Variants in FUT9 observed in about 807,000 individuals in gnomAD.
The protein encoded by FUT9 is 4-galactosyl-N-acetylglucosaminide 3-alpha-L-fucosyltransferase 9.
A neutral mutation model predicts 29.7 loss-of-function variants in FUT9; 15 were observed. The observed-to-expected ratio is 0.51, with a 90% CI of 0.34 to 0.78. The LOEUF (loss-of-function observed/expected upper bound fraction) is 0.78, where lower values mean the gene tolerates loss of function less well. Among genes scored for constraint, FUT9 ranks in the 30% least tolerant of loss-of-function variants. FUT9 has a pLI of 0.01. For missense variants in FUT9, 319 were observed against 425.4 expected (o/e 0.75, Z 2.20); for synonymous variants, 169 against 153.7 (o/e 1.10, Z -0.74).
At chr6:96,043,948 C>T (rs887496621) in intron 1 of FUT9, among the ~76,000 whole-genome samples, 17 of 152,106 alleles carry the variant, frequency 1.1e-4, no homozygotes, top group African/African-American at 3.9e-4. Flanking sequence ...CATCTTGTGG[C>T]CTTTGACTTT....
chr6:96,048,764 G>T (rs371580102), intron 1 of FUT9, among the ~76,000 whole-genome samples: 3 of 152,150 alleles, frequency 2.0e-5, no homozygotes, highest in African/African-American at 7.2e-5. Context: ...CTAAGTGCCA[G>T]TTGTGGGAAA....
intron 2 of FUT9, among the ~76,000 whole-genome samples, chr6:96,131,655 T>A (rs1460648407): frequency 6.6e-6 from 1 of 152,128 alleles, no homozygotes; most frequent in East Asian, 1.9e-4. Flanking sequence ...AATCCCAGCT[T>A]CCACGTTCAT....
intron 1 of FUT9, among the ~76,000 whole-genome samples, chr6:96,067,497 T>C (rs1770984186): frequency 6.6e-6 from 1 of 152,050 alleles, no homozygotes; most frequent in Non-Finnish European, 1.5e-5. Context: ...GCATAAAATA[T>C]TGGAAGTGGG....
intron 2 of FUT9, among the ~76,000 whole-genome samples, chr6:96,117,475 T>G (rs550617142): frequency 6.6e-6 from 1 of 152,338 alleles, no homozygotes; most frequent in African/African-American, 2.4e-5. Flanking sequence ...TGATACCACA[T>G]TAGCAATTAG....
intron 2 of FUT9, among the ~76,000 whole-genome samples, chr6:96,142,430 T>C (rs1318290987): frequency 6.6e-6 from 1 of 152,174 alleles, no homozygotes; most frequent in Non-Finnish European, 1.5e-5. Context: ...GAGACAAAGC[T>C]GGTGCATCTT....
At chr6:96,163,503 A>T (rs1191261723) in intron 2 of FUT9, among the ~76,000 whole-genome samples, 2 of 152,100 alleles carry the variant, frequency 1.3e-5, no homozygotes, top group East Asian at 3.9e-4. Context: ...TACTTCAACC[A>T]CTCATAGACT....
At chr6:96,129,393 C>T (rs1310365845) in intron 2 of FUT9, among the ~76,000 whole-genome samples, 1 of 151,252 alleles carries the variant, frequency 6.6e-6, no homozygotes, top group Non-Finnish European at 1.5e-5. Flanking sequence ...GGCTTCGAGG[C>T]TGAAGTAAGT....
intron 2 of FUT9, among the ~76,000 whole-genome samples, chr6:96,140,644 T>C (rs1435331859): frequency 1.3e-5 from 2 of 152,176 alleles, no homozygotes; most frequent in Non-Finnish European, 2.9e-5. Flanking sequence ...AAGGCACATC[T>C]TACATGGTGG....
intron 1 of FUT9, among the ~76,000 whole-genome samples, chr6:96,035,559 G>A (rs1770337662): frequency 6.8e-6 from 1 of 146,792 alleles, no homozygotes; most frequent in Non-Finnish European, 1.5e-5. Context: ...CCATAGTTTT[G>A]AAGATCAATG....
intron 2 of FUT9, among the ~76,000 whole-genome samples, chr6:96,189,164 A>G (rs1163341807): frequency 5.3e-5 from 8 of 152,044 alleles, no homozygotes; most frequent in Admixed American, 2.6e-4. Flanking sequence ...AGTAGAACTG[A>G]GAGCTAAAAA....
intron 2 of FUT9, among the ~76,000 whole-genome samples, chr6:96,123,752 A>G (rs143497397): frequency 0.015 from 2,226 of 152,256 alleles, 33 homozygotes; most frequent in South Asian, 0.082. Context: ...AAAAATATCA[A>G]TCATTTCCTA....
intron 1 of FUT9, among the ~76,000 whole-genome samples, chr6:96,046,221 G>GCGCACA (rs1554188603): frequency 1.4e-5 from 2 of 148,084 alleles, no homozygotes; most frequent in Admixed American, 1.3e-4. Flanking sequence ...ACACAGATAT[G>GCGCACA]CACACACACA....
At chr6:96,199,852 A>G (rs566540479) in intron 2 of FUT9, among the ~76,000 whole-genome samples, 1 of 152,288 alleles carries the variant, frequency 6.6e-6, no homozygotes, top group African/African-American at 2.4e-5. Flanking sequence ...TGAGACATAC[A>G]GCATTTATTA....
intron 2 of FUT9, among the ~76,000 whole-genome samples, chr6:96,163,277 G>GCT (rs1426663171): frequency 1.9e-5 from 1 of 53,178 alleles, no homozygotes; most frequent in Non-Finnish European, 4.9e-5. Flanking sequence ...CTACTTCCAA[G>GCT]CTCTTTTTTT....
At chr6:96,108,434 C>T (rs975372953) in intron 1 of FUT9, among the ~76,000 whole-genome samples, 6 of 152,136 alleles carry the variant, frequency 3.9e-5, no homozygotes, top group African/African-American at 1.4e-4. Context: ...TGGAATAGTA[C>T]TACTTCATAA....
intron 2 of FUT9, among the ~76,000 whole-genome samples, chr6:96,181,737 G>C (rs1466851607): frequency 6.6e-6 from 1 of 151,816 alleles, no homozygotes; most frequent in East Asian, 1.9e-4. Flanking sequence ...TCTCATCTAG[G>C]TTTCTGCGGA....
At chr6:96,160,094 C>T (rs751945620) in intron 2 of FUT9, among the ~76,000 whole-genome samples, 9 of 152,092 alleles carry the variant, frequency 5.9e-5, no homozygotes, top group Non-Finnish European at 1.3e-4. Context: ...AGACTTTTGC[C>T]CATACAGACA....
chr6:96,032,813 G>C (rs1770287082), intron 1 of FUT9, among the ~76,000 whole-genome samples: 1 of 151,518 alleles, frequency 6.6e-6, no homozygotes, highest in South Asian at 2.1e-4. Flanking sequence ...GCCTGGCCCT[G>C]TCTATAGGCA....
chr6:96,203,044 C>T lies in FUT9; in HGVS notation c.-8-104C>T, dbSNP rs1217169953. The T allele has an allele frequency of 8.4e-6, 7 of 837,168 alleles. No homozygotes were observed. The Admixed American group carries it at 9.5e-5, about 11-fold the overall frequency. The allele number at this position is 837,168 out of a possible 1,614,324, so 51.9% of individuals were successfully genotyped here. On this transcript the variant is annotated intron_variant, in intron 2 of 2. Transcript: ENST00000302103. ...AAAAGGAAAATGCAGTTGATTACTA[C>T]TTGTTTATCTCATATTTATGATTTT...
Sources: gnomAD v4.1 joint callset for allele counts (sites outside exome capture counted in the v4.1 genomes callset) on GRCh38, gnomAD v4.1.1 for gene constraint, MANE v1.5 for transcripts, NCBI Gene and HGNC (gene_info 2026-07-23, HGNC 2026-07-21) for gene names.